The following LIX1L variants were observed in gnomAD, a reference collection of about 807,000 sequenced individuals.
The protein encoded by LIX1L is limb and CNS expressed 1 like.
A neutral mutation model predicts 34.0 loss-of-function variants in LIX1L; 20 were observed. The observed-to-expected ratio is 0.59, with a 90% CI of 0.41 to 0.85. LIX1L has a LOEUF of 0.85. Ranked by LOEUF, LIX1L falls within the 40% of genes least tolerant of loss-of-function variation. LIX1L has a pLI of 0.00. For synonymous variants in LIX1L, 170 were observed against 187.4 expected (o/e 0.91, Z 0.76); for missense variants, 397 against 447.0 (o/e 0.89, Z 1.01).
Position 145,942,782 on chromosome 1 carries a change from T to G in LIX1L, c.528A>C (p.Glu176Asp). The G allele has an allele frequency of 6.2e-7, 1 of 1,614,142 alleles. No individual in the cohort carries two copies. Among genetic ancestry groups the G allele is most frequent in the Non-Finnish European group, 8.5e-7 (1 of 1,179,984 alleles). The change falls in exon 3 of 6, where the codon GAA (glutamate) becomes GAC (aspartate). Residue 176 changes from glutamate (E) to aspartate (D), a missense_variant. By Grantham distance (45) the Glu-to-Asp change is conservative. Transcript: ENST00000604000. ...CATCAGTGATTCTTCGGGAAGGATGTTCATTAAACACAGAATTCATTAGCG... is the reference window on the plus strand; with the variant it reads ...CATCAGTGATTCTTCGGGAAGGATGGTCATTAAACACAGAATTCATTAGCG... The part of the protein sequence containing the change: ...KIALMNSVFN[E>D]HPSRRITDEF...
chr1:145,947,511 A>T, intron 2 of LIX1L, 108 bp downstream of exon 2: 1 of 1,175,192 alleles, frequency 8.5e-7, no homozygotes, highest in Non-Finnish European at 1.2e-6. Context: ...GAATTGCTTT[A>T]GGTCCTCAAA....
intron 5 of LIX1L, 61 bp downstream of exon 5, chr1:145,936,847 C>A (rs2101891926): frequency 8.5e-7 from 1 of 1,176,292 alleles, no homozygotes; most frequent in East Asian, 2.3e-5. Context: ...GTAACCACCT[C>A]AAAAGAGTCC....
chr1:145,955,168 A>G (rs782663726), intron 1 of LIX1L, among the ~76,000 whole-genome samples: 12 of 152,232 alleles, frequency 7.9e-5, no homozygotes, highest in Non-Finnish European at 1.6e-4. Context: ...TCACACAGCC[A>G]ACTATTTGAC....
chr1:145,936,910 G>T lies in LIX1L; in HGVS notation c.769C>A (p.Gln257Lys). 1 of 1,608,216 alleles carries T rather than the reference G, an allele frequency of 6.2e-7. No homozygotes were observed. The highest frequency in any genetic ancestry group is 8.5e-7 in the Non-Finnish European group (1 of 1,174,780). Residue 257 changes from glutamine to lysine, a missense_variant and splice_region_variant, in exon 5 of 6, where the codon CAG becomes AAG. Gln to Lys is a moderately conservative substitution (Grantham distance 53). This residue lies in a region of LIX1L where 174 missense variants were observed against 204.0 expected (regional missense o/e 0.85). Coordinates refer to ENST00000604000, the MANE Select transcript of LIX1L (RefSeq NM_153713.3). Reference protein sequence around the residue: ...KAMRERQCSRQEVLAHYSHRA... With the variant: ...KAMRERQCSRKEVLAHYSHRA... ...CCCCCACTCATAAAATCTCTTACCTGCCGAGAGCATTGTCGTTCCCTCATG... is the reference window on the plus strand; with the variant it reads ...CCCCCACTCATAAAATCTCTTACCTTCCGAGAGCATTGTCGTTCCCTCATG...
At chr1:145,936,678 A>G (rs1648658485) in intron 5 of LIX1L, 126 bp from the exon 6 acceptor site, 3 of 1,188,202 alleles carry the variant, frequency 2.5e-6, no homozygotes, top group African/African-American at 1.5e-5. Context: ...AAGTTCTTCA[A>G]GGAGATTCTT....
rs587772132 is a variant in LIX1L, at chr1:145,947,683, G to C, written c.392C>G (p.Ser131Cys). The C allele has an allele frequency of 6.2e-7, 1 of 1,614,122 alleles. No homozygotes were observed. The highest frequency in any genetic ancestry group is 8.5e-7 in the Non-Finnish European group (1 of 1,180,024). The stretch of plus-strand genomic sequence containing the variant: ...ATAGCAGACATAAGGAGGGCTGTTG[G>C]AGGGAACCATCTCATAAACCACTAG... Reference protein sequence around the residue: ...GALVVYEMVPSNSPPYVCYVT... With the variant: ...GALVVYEMVPCNSPPYVCYVT... Residue 131 changes from serine (S) to cysteine (C), a missense_variant, in exon 2 of 6, where the codon TCC (serine) becomes TGC (cysteine). By Grantham distance (112) the Ser-to-Cys change is moderately radical (BLOSUM62 -1). Coordinates refer to ENST00000604000, the MANE Select transcript of LIX1L (RefSeq NM_153713.3).
chr1:145,947,461 G>T, intron 2 of LIX1L, 158 bp downstream of exon 2: 1 of 727,466 alleles, frequency 1.4e-6, no homozygotes. Context: ...TTCTACTATG[G>T]TCAAATTGGC....
chr1:145,939,568 A>G (rs1257038590), intron 3 of LIX1L, among the ~76,000 whole-genome samples: 1 of 151,730 alleles, frequency 6.6e-6, no homozygotes. Flanking sequence ...CAGCCTTCCA[A>G]AGTGCTGGGA....
intron 1 of LIX1L, among the ~76,000 whole-genome samples, chr1:145,950,004 CAG>C (rs1385200555): frequency 1.3e-5 from 2 of 151,912 alleles, no homozygotes; most frequent in Non-Finnish European, 2.9e-5. Flanking sequence ...TTTGTAGAGA[CAG>C]AGTTTCACTA....
intron 2 of LIX1L, among the ~76,000 whole-genome samples, chr1:145,945,104 G>A (rs1553759075): frequency 2.0e-5 from 3 of 152,026 alleles, no homozygotes; most frequent in South Asian, 4.2e-4. Context: ...GCTGAGGCAG[G>A]CAGATCACCT....
intron 2 of LIX1L, among the ~76,000 whole-genome samples, chr1:145,943,692 T>C (rs16826959): frequency 0.029 from 4,446 of 152,164 alleles, 253 homozygotes; most frequent in African/African-American, 0.1. Flanking sequence ...TTGCCCTATG[T>C]CATTTATGAG....
rs12757920 is a variant in LIX1L at position 145,957,788 on chromosome 1, G to A, written c.140C>T (p.Pro47Leu). ...CGGCGGCGGGGGCGGTGCGGGAGGC[G>A]GCGGGGCAGGCGGGGGGCCCGCAGG... ...TPPAGPPPAP[P>L]PPAPPPPPLL... Residue 47 changes from proline to leucine, a missense_variant, in exon 1 of 6, where the codon CCG becomes CTG. By Grantham distance (98) the Pro-to-Leu change is moderately conservative (BLOSUM62 -3). Coordinates refer to ENST00000604000, the MANE Select transcript of LIX1L (RefSeq NM_153713.3). 6.0e-6 allele frequency: 8 copies of A among 1,339,326 alleles called. No homozygotes were observed. In the East Asian group the frequency reaches 1.9e-4, roughly 31 times the overall value. 83.0% of individuals were successfully genotyped at this position (1,339,326 alleles called of 1,614,324 possible).
chr1:145,956,067 T>C (rs868929259), intron 1 of LIX1L, among the ~76,000 whole-genome samples: 1 of 152,230 alleles, frequency 6.6e-6, no homozygotes. Context: ...ACTTAGAGAC[T>C]TGAAGCAGCA....
chr1:145,936,905 T>C lies in LIX1L; in HGVS notation c.771+3A>G, dbSNP rs1648667301. 6.2e-6 allele frequency: 10 copies of C among 1,604,816 alleles called. No individual in the cohort carries two copies. The highest frequency in any genetic ancestry group is 3.3e-4 in the Middle Eastern group (2 of 6,064). On this transcript the variant is annotated splice_donor_region_variant and intron_variant, in intron 5 of 5. Coordinates refer to ENST00000604000, the MANE Select transcript of LIX1L (RefSeq NM_153713.3). ...ATTCGCCCCCACTCATAAAATCTCT[T>C]ACCTGCCGAGAGCATTGTCGTTCCC...
chr1:145,937,516 A>G lies in LIX1L; in HGVS notation c.693+88T>C, dbSNP rs1182579401. 5.8e-5 allele frequency: 45 copies of G among 775,506 alleles called. No individual in the cohort carries two copies. The Middle Eastern group carries it at 9.1e-4, about 16-fold the overall frequency. 48.0% of individuals were successfully genotyped at this position (775,506 alleles called of 1,614,324 possible). A position where few individuals can be genotyped will look rare whatever the true frequency, so the allele number is the denominator to read the frequency against. On this transcript the variant is annotated intron_variant, in intron 4 of 5. Transcript: ENST00000604000. Reference sequence around the variant, plus strand: ...CAACCTTCTTTCTTTTCCAGTATCAATGAGTTAGGAATTAGTAGGAGCCAT... The same window carrying G: ...CAACCTTCTTTCTTTTCCAGTATCAGTGAGTTAGGAATTAGTAGGAGCCAT...
intron 3 of LIX1L, among the ~76,000 whole-genome samples, chr1:145,939,454 C>G (rs756665729): frequency 1.3e-5 from 2 of 151,488 alleles, no homozygotes; most frequent in Non-Finnish European, 2.9e-5. Flanking sequence ...TACAGGTGTG[C>G]ACTACCATGC....
Position 145,937,285 on chromosome 1 carries a change from C to T in LIX1L, c.694-300G>A, listed in dbSNP as rs587730963. The T allele has an allele frequency of 4.3e-4, 91 of 210,104 alleles. 1 individual carries two copies. Among genetic ancestry groups the T allele is most frequent in the Non-Finnish European group, 5.4e-4 (57 of 105,664 alleles). 13.0% of individuals were successfully genotyped at this position (210,104 alleles called of 1,614,324 possible). On this transcript the variant is annotated intron_variant, in intron 4 of 5. Coordinates refer to ENST00000604000, the MANE Select transcript of LIX1L (RefSeq NM_153713.3). Reference sequence around the variant, plus strand: ...CTGCTTCCTGGGTTCAAGCAATTCTCGTGCTTCAGCCTCCCAAGTAGCTGG... The same window carrying T: ...CTGCTTCCTGGGTTCAAGCAATTCTTGTGCTTCAGCCTCCCAAGTAGCTGG...
intron 1 of LIX1L, among the ~76,000 whole-genome samples, chr1:145,952,990 C>T (rs1559244546): frequency 6.6e-6 from 1 of 151,982 alleles, no homozygotes; most frequent in Non-Finnish European, 1.5e-5. Flanking sequence ...CACCTCACTG[C>T]AGCCTTGACT....
In LIX1L at chr1:145,936,272, A is replaced by T; in HGVS notation, c.*38T>A. 6.3e-7 allele frequency: 1 copy of T among 1,598,650 alleles called. No individual in the cohort carries two copies. Among genetic ancestry groups the T allele is most frequent in the Non-Finnish European group, 8.5e-7 (1 of 1,171,212 alleles). On this transcript the variant is annotated 3_prime_UTR_variant, in exon 6 of 6. Transcript: ENST00000604000. The stretch of plus-strand genomic sequence containing the variant: ...AATCTTAGAAAGGAGACATAAAAAA[A>T]GGCTGTGGAAAGCCTGGGGAGTTAT...
Sources: allele counts gnomAD v4.1 joint callset (sites outside exome capture counted in the v4.1 genomes callset), GRCh38; gene constraint gnomAD v4.1.1; regional missense constraint gnomAD v4.1.1; transcripts MANE v1.5; gene names NCBI Gene and HGNC (gene_info 2026-07-23, HGNC 2026-07-21).